TMEM233: variants seen among roughly 807,000 people sequenced by gnomAD.
The protein encoded by TMEM233 is transmembrane protein 233, also known as dispanin subfamily B member 2.
Under a neutral mutation model 11.2 loss-of-function variants are expected in TMEM233, and 6 were observed. The ratio of observed to expected loss-of-function variants is 0.54; its 90% CI spans 0.29 to 1.06. TMEM233 has a LOEUF of 1.06. Ranked by LOEUF, TMEM233 falls within the 50% of genes least tolerant of loss-of-function variation. The pLI is 0.08. For synonymous variants in TMEM233, 59 were observed against 55.8 expected (o/e 1.06, Z -0.26); for missense variants, 127 against 144.7 (o/e 0.88, Z 0.63).
At chr12:119,653,630 T>A in the TMEM233 span, among the ~76,000 whole-genome samples, 6 of 151,820 alleles carry the variant, frequency 4.0e-5, no homozygotes, top group South Asian at 2.1e-4. Flanking sequence ...AATTAAAAAA[T>A]TTTTTAAAAA....
intron 1 of TMEM233, among the ~76,000 whole-genome samples, chr12:119,600,769 T>C (rs891156173): frequency 6.6e-6 from 1 of 152,170 alleles, no homozygotes; most frequent in Non-Finnish European, 1.5e-5. Context: ...AGAATGGTGG[T>C]TGCCAGAGAC....
At chr12:119,598,003 C>T (rs1406739874) in intron 1 of TMEM233, among the ~76,000 whole-genome samples, 1 of 152,178 alleles carries the variant, frequency 6.6e-6, no homozygotes, top group Non-Finnish European at 1.5e-5. Context: ...AGGCCTCATT[C>T]AACATGATCT....
At chr12:119,614,001 G>T (rs535648414) in intron 1 of TMEM233, among the ~76,000 whole-genome samples, 1 of 151,974 alleles carries the variant, frequency 6.6e-6, no homozygotes, top group Non-Finnish European at 1.5e-5. Flanking sequence ...GGCTCCAAAC[G>T]AGATAGGAGA....
downstream of TMEM233, among the ~76,000 whole-genome samples, chr12:119,647,745 G>A (rs1226477534): frequency 1.3e-5 from 2 of 152,188 alleles, no homozygotes; most frequent in African/African-American, 4.8e-5. Flanking sequence ...CATGCATTAA[G>A]CATTTATCCT....
At position 119,593,939 on chromosome 12, in the gene TMEM233, G is replaced by A; in HGVS notation, c.91G>A (p.Val31Met). 1 of 1,551,752 alleles carries A rather than the reference G, an allele frequency of 6.4e-7. No homozygotes were observed. The highest frequency in any genetic ancestry group is 8.7e-7 in the Non-Finnish European group (1 of 1,146,986). ...TGAAGATGACAAGACCGAGGAGGACGTGCCCATGCCCAAGAACTACCTGTG... is the reference window on the plus strand; with the variant it reads ...TGAAGATGACAAGACCGAGGAGGACATGCCCATGCCCAAGAACTACCTGTG... ...NTEDDKTEEDVPMPKNYLWLT... is the reference protein window; with the variant it reads ...NTEDDKTEEDMPMPKNYLWLT... The change falls in exon 1 of 3, where the codon GTG becomes ATG. Residue 31 changes from valine (V) to methionine (M), a missense_variant. Coordinates refer to ENST00000426426, the MANE Select transcript of TMEM233 (RefSeq NM_001136534.3). The surrounding 1 kb of genome is among the most constrained non-coding windows in gnomAD (Gnocchi z 4.1).
chr12:119,623,577 G>C (rs992358348), intron 1 of TMEM233, among the ~76,000 whole-genome samples: 5 of 150,230 alleles, frequency 3.3e-5, no homozygotes, highest in African/African-American at 7.4e-5. Flanking sequence ...AAAATTAGCT[G>C]GTTGTGGTGG....
intron 1 of TMEM233, among the ~76,000 whole-genome samples, chr12:119,628,164 A>T (rs1188472304): frequency 3.7e-4 from 55 of 149,490 alleles, no homozygotes; most frequent in African/African-American, 9.8e-4. Flanking sequence ...TATTTTTTTT[A>T]TTTTTATTTT....
chr12:119,640,853 C>CAACA lies in TMEM233; in HGVS notation c.*150_*151insCAAA. ...CAGAGGCAGGTCCCTGGCAAATGAA[C>CAACA]AAGAAAAAAAAAAAAAAAAAGTCCA... On this transcript the variant is annotated 3_prime_UTR_variant, in exon 3 of 3. Coordinates refer to ENST00000426426, the MANE Select transcript of TMEM233 (RefSeq NM_001136534.3). 31 of 435,028 alleles carry CAACA rather than the reference C, an allele frequency of 7.1e-5. No homozygotes were observed. Among genetic ancestry groups the CAACA allele is most frequent in the East Asian group, 3.3e-4 (7 of 21,186 alleles). The allele number at this position is 435,028 out of a possible 1,614,324, so 26.9% of individuals were successfully genotyped here.
At chr12:119,622,513 T>C (rs1954663214) in intron 1 of TMEM233, among the ~76,000 whole-genome samples, 1 of 152,220 alleles carries the variant, frequency 6.6e-6, no homozygotes, top group Admixed American at 6.5e-5. Context: ...GCATTTTCTC[T>C]AAAATCCATT....
At chr12:119,645,859 G>A (rs1435825920), downstream of TMEM233, among the ~76,000 whole-genome samples, 1 of 152,172 alleles carries the variant, frequency 6.6e-6, no homozygotes, top group Non-Finnish European at 1.5e-5. Context: ...AGGTCACGTG[G>A]AATCCCATGC....
intron 1 of TMEM233, among the ~76,000 whole-genome samples, chr12:119,597,387 A>G (rs939694904): frequency 6.6e-6 from 1 of 152,144 alleles, no homozygotes; most frequent in East Asian, 1.9e-4. Context: ...ATGAAGAAGC[A>G]CTGTAGGATG....
chr12:119,636,566 C>T (rs1161081383), intron 2 of TMEM233, among the ~76,000 whole-genome samples: 1 of 152,174 alleles, frequency 6.6e-6, no homozygotes, highest in Non-Finnish European at 1.5e-5. Context: ...GATCCTCCCA[C>T]CTCAGCCTCC....
downstream of TMEM233, among the ~76,000 whole-genome samples, chr12:119,645,060 C>T (rs111250361): frequency 0.019 from 2,848 of 152,258 alleles, 71 homozygotes; most frequent in African/African-American, 0.064. Flanking sequence ...GGAAGGAAGA[C>T]AGTCCCTGTC....
chr12:119,619,626 G>A (rs868172504), intron 1 of TMEM233, among the ~76,000 whole-genome samples: 11 of 150,434 alleles, frequency 7.3e-5, no homozygotes, highest in South Asian at 4.2e-4. Flanking sequence ...GGGTGACAGA[G>A]CGAGATCCTG....
rs150766682 is a variant in TMEM233 at position 119,594,748 on chromosome 12, G to A, written c.186+714G>A. Among the ~76,000 whole-genome samples the A allele has an allele frequency of 6.6e-6, 1 of 152,222 alleles. No individual in the cohort carries two copies. The highest frequency in any genetic ancestry group is 1.9e-4 in the East Asian group (1 of 5,154). On this transcript the variant is annotated intron_variant, in intron 1 of 2. Transcript: ENST00000426426. The surrounding 1 kb of genome is among the most constrained non-coding windows in gnomAD (Gnocchi z 5.6). ...CCCCTTTTTAACGCGCCCGAGGCTG[G>A]CTCACACCCACTACCTCTTTAGGCC...
downstream of TMEM233, among the ~76,000 whole-genome samples, chr12:119,646,854 CCAA>C: frequency 6.6e-6 from 1 of 152,288 alleles, no homozygotes; most frequent in East Asian, 1.9e-4. Flanking sequence ...ACCATGTAAC[CCAA>C]CATATTCACA....
downstream of TMEM233, among the ~76,000 whole-genome samples, chr12:119,644,177 T>C (rs1955122205): frequency 6.6e-6 from 1 of 152,118 alleles, no homozygotes; most frequent in African/African-American, 2.4e-5. Context: ...TGTACCAACA[T>C]AAATGGATGC....
At chr12:119,610,492 C>T (rs1954371509) in intron 1 of TMEM233, among the ~76,000 whole-genome samples, 1 of 152,152 alleles carries the variant, frequency 6.6e-6, no homozygotes, top group Non-Finnish European at 1.5e-5. Context: ...ATGCAAATCT[C>T]ATCTTGAATT....
chr12:119,640,361 T>C (rs1955061807), intron 2 of TMEM233, among the ~76,000 whole-genome samples: 3 of 152,156 alleles, frequency 2.0e-5, no homozygotes, highest in South Asian at 4.1e-4. Context: ...TTTCACCATG[T>C]TAGCCAGGAT....
Sources: allele counts gnomAD v4.1 joint callset (sites outside exome capture counted in the v4.1 genomes callset), GRCh38; gene constraint gnomAD v4.1.1; non-coding constraint Gnocchi (gnomAD v3.1); transcripts MANE v1.5; gene names NCBI Gene and HGNC (gene_info 2026-07-23, HGNC 2026-07-21).